Variants in RAD54B observed in about 807,000 individuals in gnomAD.
The protein encoded by RAD54B is RAD54 homolog B.
Under a neutral mutation model 95.8 loss-of-function variants are expected in RAD54B, and 78 were observed. The ratio of observed to expected loss-of-function variants is 0.81; its 90% CI spans 0.68 to 0.98. The LOEUF is 0.98. Ranked by LOEUF, RAD54B falls within the 50% of genes least tolerant of loss-of-function variation. The pLI is 0.00. For synonymous variants in RAD54B, 328 were observed against 354.9 expected (o/e 0.92, Z 0.85); for missense variants, 957 against 1,056.6 (o/e 0.91, Z 1.31).
chr8:94,412,972 A>C (rs954160136), intron 3 of RAD54B, among the ~76,000 whole-genome samples: 3 of 152,196 alleles, frequency 2.0e-5, no homozygotes, highest in Non-Finnish European at 4.4e-5. Flanking sequence ...AGCTCCAAAA[A>C]ACAGACATGT....
intron 3 of RAD54B, among the ~76,000 whole-genome samples, chr8:94,454,565 T>C (rs1812738371): frequency 1.3e-5 from 2 of 152,224 alleles, no homozygotes; most frequent in African/African-American, 2.4e-5. Flanking sequence ...ATAAATATGA[T>C]ACCAACAGAT....
intron 3 of RAD54B, among the ~76,000 whole-genome samples, chr8:94,440,173 AC>A (rs1218542534): frequency 6.6e-6 from 1 of 150,858 alleles, no homozygotes; most frequent in Non-Finnish European, 1.5e-5. Flanking sequence ...GATTCCCCAG[AC>A]CCCTTAGATA....
chr8:94,380,057 T>C, intron 12 of RAD54B, 88 bp downstream of exon 12: 2 of 1,395,514 alleles, frequency 1.4e-6, no homozygotes, highest in Admixed American at 2.2e-5. Context: ...GCAGTGGATA[T>C]TATATATCAT....
chr8:94,417,193 C>G (rs923018603), intron 3 of RAD54B, among the ~76,000 whole-genome samples: 2 of 152,092 alleles, frequency 1.3e-5, no homozygotes, highest in Admixed American at 1.3e-4. Flanking sequence ...CAAAATCTTA[C>G]AGAGACAGAA....
chr8:94,471,204 G>T (rs148935494), intron 1 of RAD54B, among the ~76,000 whole-genome samples: 26 of 148,462 alleles, frequency 1.8e-4, no homozygotes, highest in East Asian at 1.2e-3. Flanking sequence ...TCAGTATATC[G>T]CCAGTACCAA....
At chr8:94,374,154 C>G (rs571427025) in intron 14 of RAD54B, among the ~76,000 whole-genome samples, 93 of 152,196 alleles carry the variant, frequency 6.1e-4, no homozygotes, top group Non-Finnish European at 1.0e-3. Flanking sequence ...TGGCAGGCGC[C>G]TGTAGTCCCA....
intron 2 of RAD54B, among the ~76,000 whole-genome samples, chr8:94,458,702 A>G (rs1446188622): frequency 1.3e-5 from 2 of 152,112 alleles, no homozygotes; most frequent in African/African-American, 4.8e-5. Context: ...CACTGTCTCT[A>G]CTAAAAATAT....
At chr8:94,405,153 T>C (rs1811357998) in intron 5 of RAD54B, among the ~76,000 whole-genome samples, 1 of 152,114 alleles carries the variant, frequency 6.6e-6, no homozygotes, top group African/African-American at 2.4e-5. Flanking sequence ...CATCATAGAA[T>C]AACAATGTAA....
intron 14 of RAD54B, among the ~76,000 whole-genome samples, chr8:94,376,211 T>C (rs1810567934): frequency 6.6e-6 from 1 of 152,146 alleles, no homozygotes; most frequent in Non-Finnish European, 1.5e-5. Flanking sequence ...AGAATCCATA[T>C]CATGTAGTTC....
intron 3 of RAD54B, chr8:94,431,524 C>T: frequency 1.0e-6 from 1 of 978,934 alleles, no homozygotes; most frequent in East Asian, 1.1e-4. Context: ...CAAAGAAAAA[C>T]TAAGTGCTGG....
chr8:94,446,022 C>G (rs938576231), intron 3 of RAD54B, among the ~76,000 whole-genome samples: 7 of 152,024 alleles, frequency 4.6e-5, no homozygotes, highest in African/African-American at 1.7e-4. Flanking sequence ...ATTCTTTCAA[C>G]ATTTATGTAA....
chr8:94,453,497 C>A (rs1312289995), intron 3 of RAD54B, among the ~76,000 whole-genome samples: 1 of 152,048 alleles, frequency 6.6e-6, no homozygotes, highest in African/African-American at 2.4e-5. Flanking sequence ...CCACTGCACT[C>A]CGGCCTGGGT....
chr8:94,436,619 A>G (rs1812270083), intron 3 of RAD54B: 1 of 1,550,486 alleles, frequency 6.4e-7, no homozygotes, highest in East Asian at 2.4e-5. Flanking sequence ...TTTTGCTGCA[A>G]TAGCTCCTGT....
intron 6 of RAD54B, among the ~76,000 whole-genome samples, chr8:94,402,676 TGTTCTAA>T (rs1371117260): frequency 6.6e-6 from 1 of 152,268 alleles, no homozygotes; most frequent in African/African-American, 2.4e-5. Context: ...TGGGAAACAC[TGTTCTAA>T]GTTCTGAGAG....
At chr8:94,472,182 T>G (rs886082502) in intron 1 of RAD54B, among the ~76,000 whole-genome samples, 3 of 152,170 alleles carry the variant, frequency 2.0e-5, no homozygotes, top group Non-Finnish European at 4.4e-5. Context: ...AAACAGATGG[T>G]TTTTGACTGC....
At chr8:94,396,305 A>G (rs1039336343) in intron 8 of RAD54B, among the ~76,000 whole-genome samples, 1 of 151,982 alleles carries the variant, frequency 6.6e-6, no homozygotes, top group African/African-American at 2.4e-5. Context: ...GTACTTACTA[A>G]GACTATTTTC....
intron 11 of RAD54B, among the ~76,000 whole-genome samples, chr8:94,380,839 G>T (rs564294224): frequency 2.0e-5 from 3 of 152,172 alleles, no homozygotes; most frequent in Admixed American, 2.0e-4. Flanking sequence ...TCTTGCTAAG[G>T]TACCTGAGAA....
At chr8:94,462,669 AACAG>A (rs568771767) in intron 2 of RAD54B, among the ~76,000 whole-genome samples, 2 of 152,322 alleles carry the variant, frequency 1.3e-5, no homozygotes, top group South Asian at 4.1e-4. Context: ...TTAAGAATGT[AACAG>A]ACAAAGTAAA....
intron 11 of RAD54B, among the ~76,000 whole-genome samples, chr8:94,386,650 TAA>T (rs1810897234): frequency 6.6e-6 from 1 of 151,918 alleles, no homozygotes; most frequent in Non-Finnish European, 1.5e-5. Flanking sequence ...GGAAGTGTGT[TAA>T]GAGTGAGAAA....
Sources: gnomAD v4.1 joint callset for allele counts (sites outside exome capture counted in the v4.1 genomes callset) on GRCh38, gnomAD v4.1.1 for gene constraint, MANE v1.5 for transcripts, NCBI Gene and HGNC (gene_info 2026-07-23, HGNC 2026-07-21) for gene names.